NTM: variants seen among roughly 807,000 people sequenced by gnomAD.
NTM encodes the protein IgLON family member 2.
NTM carries 13 observed loss-of-function variants against 42.1 expected under a neutral mutation model. That is an observed-to-expected ratio of 0.31 (90% CI 0.20 to 0.49). The LOEUF (loss-of-function observed/expected upper bound fraction) is 0.49. Among genes scored for constraint, NTM ranks in the 20% least tolerant of loss-of-function variants. The pLI, the probability that NTM is intolerant of heterozygous loss-of-function variation, is 0.99. For missense variants in NTM, 373 were observed against 452.8 expected, an observed-to-expected ratio of 0.82 and a Z score of 1.60; for synonymous variants, 187 against 179.2, an observed-to-expected ratio of 1.04 and a Z score of -0.35.
chr11:131,712,033 A>G (rs1269516636), intron 1 of NTM, among the ~76,000 whole-genome samples: 4 of 150,174 alleles, frequency 2.7e-5, no homozygotes, highest in Admixed American at 6.6e-5. Context: ...CCTAATGCTA[A>G]ATGACGAGTT....
At position 132,074,078 on chromosome 11, in the gene NTM, C is replaced by T. The variant is rs180828451; in HGVS notation, c.168-72204C>T. Among the ~76,000 whole-genome samples the T allele has an allele frequency of 2.6e-5, 4 of 152,334 alleles. No individual in the cohort carries two copies. In the East Asian group the frequency reaches 7.7e-4, roughly 29 times the overall value. ...AAAGATTTATCTCTCAGCACAGATT[C>T]TCCCTCAACTAATTTTTCAGTAGGC... On this transcript the variant is annotated intron_variant, in intron 2 of 8. Transcript: ENST00000683400.
chr11:132,267,919 G>A (rs2139643248), intron 4 of NTM, among the ~76,000 whole-genome samples: 1 of 152,008 alleles, frequency 6.6e-6, no homozygotes, highest in Admixed American at 6.6e-5. Flanking sequence ...TTAATGGAGT[G>A]CATATGGGTG....
intron 2 of NTM, among the ~76,000 whole-genome samples, chr11:131,982,850 A>G (rs144012720): frequency 2.0e-5 from 3 of 152,310 alleles, no homozygotes; most frequent in African/African-American, 4.8e-5. Flanking sequence ...GGCAAGATTT[A>G]ACACAAAGAA....
chr11:131,492,283 T>C (rs985067837), intron 1 of NTM, among the ~76,000 whole-genome samples: 1 of 152,168 alleles, frequency 6.6e-6, no homozygotes, highest in Admixed American at 6.5e-5. Flanking sequence ...AAATCTAAAA[T>C]TGCAAAGTGA....
At chr11:132,261,949 G>A (rs537666730) in intron 4 of NTM, among the ~76,000 whole-genome samples, 12 of 152,324 alleles carry the variant, frequency 7.9e-5, no homozygotes, top group Middle Eastern at 3.4e-3. Flanking sequence ...TGCCCCATGG[G>A]CATCCATTAA....
chr11:132,190,863 G>A (rs985234087), intron 3 of NTM, among the ~76,000 whole-genome samples: 14 of 152,110 alleles, frequency 9.2e-5, no homozygotes, highest in Non-Finnish European at 5.9e-5. Flanking sequence ...GAGACACAGG[G>A]ACACAGGTAT....
rs185922935 is a variant in NTM, at chr11:131,938,400, T to C, written c.167+26752T>C. Among the ~76,000 whole-genome samples the C allele has an allele frequency of 3.3e-3, 501 of 152,278 alleles. 1 individual carries two copies. Among genetic ancestry groups the C allele is most frequent in the African/African-American group, 0.012 (481 of 41,562 alleles). On this transcript the variant is annotated intron_variant, in intron 2 of 8. Transcript: ENST00000683400. ...ATGAAGCTGTGTGGCTGAAACCGTC[T>C]TGGCAAGTTAGGGAAAGAAAACGGA...
intron 1 of NTM, among the ~76,000 whole-genome samples, chr11:131,736,640 A>G (rs1200556160): frequency 6.6e-6 from 1 of 152,160 alleles, no homozygotes; most frequent in African/African-American, 2.4e-5. Context: ...CATATCTGCC[A>G]AAAACCTCTC....
chr11:132,070,763 T>A (rs2057472832), intron 2 of NTM, among the ~76,000 whole-genome samples: 1 of 142,566 alleles, frequency 7.0e-6, no homozygotes. Flanking sequence ...CACAGGTTAG[T>A]TAACACGTCA....
chr11:131,819,471 T>C (rs1223161002), intron 1 of NTM, among the ~76,000 whole-genome samples: 1 of 152,234 alleles, frequency 6.6e-6, no homozygotes, highest in Non-Finnish European at 1.5e-5. Flanking sequence ...CATTCATTCA[T>C]TTGTTCATTT....
At chr11:131,722,418 C>T (rs1565468076) in intron 1 of NTM, among the ~76,000 whole-genome samples, 2 of 152,194 alleles carry the variant, frequency 1.3e-5, no homozygotes, top group African/African-American at 4.8e-5. Flanking sequence ...TTCATATGAA[C>T]TCGTAACCAT....
chr11:131,457,721 T>TC (rs112078919), intron 1 of NTM, among the ~76,000 whole-genome samples: 4,378 of 151,330 alleles, frequency 0.029, 212 homozygotes, highest in African/African-American at 0.1. Context: ...GTTTTTGTCC[T>TC]CCCCCCCCAA....
chr11:132,117,204 G>A (rs558135254), intron 2 of NTM, among the ~76,000 whole-genome samples: 1 of 152,316 alleles, frequency 6.6e-6, no homozygotes, highest in Admixed American at 6.5e-5. Context: ...CTCTAGCAAT[G>A]CAAATGTTGT....
intron 1 of NTM, among the ~76,000 whole-genome samples, chr11:131,484,416 C>T (rs1003839706): frequency 1.3e-5 from 2 of 152,156 alleles, no homozygotes; most frequent in Non-Finnish European, 2.9e-5. Flanking sequence ...CAAAATGGTC[C>T]TTCCTTTGAA....
At chr11:132,239,927 C>T (rs1306150814) in intron 4 of NTM, among the ~76,000 whole-genome samples, 1 of 152,118 alleles carries the variant, frequency 6.6e-6, no homozygotes, top group Non-Finnish European at 1.5e-5. Context: ...CATTATGCCT[C>T]TCCTAGTTCA....
intron 1 of NTM, among the ~76,000 whole-genome samples, chr11:131,500,977 C>T (rs1182267871): frequency 6.6e-6 from 1 of 151,604 alleles, no homozygotes; most frequent in South Asian, 2.1e-4. Flanking sequence ...TTTTCTTAAT[C>T]CTGGATTAAG....
At chr11:131,684,725 G>C (rs2073580974) in intron 1 of NTM, among the ~76,000 whole-genome samples, 1 of 152,200 alleles carries the variant, frequency 6.6e-6, no homozygotes, top group Non-Finnish European at 1.5e-5. Flanking sequence ...TGCATTCCTA[G>C]AGAGCAGAGG....
At chr11:132,280,253 C>A (rs1034186691) in intron 4 of NTM, among the ~76,000 whole-genome samples, 1 of 152,112 alleles carries the variant, frequency 6.6e-6, no homozygotes, top group Non-Finnish European at 1.5e-5. Context: ...GGTTTGCTAG[C>A]AAAGTTCCTT....
intron 1 of NTM, among the ~76,000 whole-genome samples, chr11:131,830,930 C>A (rs2136534150): frequency 6.7e-6 from 1 of 148,468 alleles, no homozygotes; most frequent in East Asian, 1.9e-4. Flanking sequence ...TATTTTATTG[C>A]AGCTATTGTA....
Sources: gnomAD v4.1 joint callset for allele counts (sites outside exome capture counted in the v4.1 genomes callset) on GRCh38, gnomAD v4.1.1 for gene constraint, MANE v1.5 for transcripts, NCBI Gene and HGNC (gene_info 2026-07-23, HGNC 2026-07-21) for gene names.